The following POLD1 variants were observed in gnomAD, a reference collection of about 807,000 sequenced individuals.
POLD1 encodes the protein DNA polymerase delta catalytic subunit.
A neutral mutation model predicts 129.7 loss-of-function variants in POLD1; 79 were observed. That is an observed-to-expected ratio of 0.61 (90% CI 0.51 to 0.73). The LOEUF (loss-of-function observed/expected upper bound fraction) is 0.73. Among genes scored for constraint, POLD1 ranks in the 30% least tolerant of loss-of-function variants. The probability of loss-of-function intolerance (pLI) is 0.00; values close to 1 mark genes in which losing one functional copy is unlikely to be tolerated. For missense variants in POLD1, 1,338 were observed against 1,595.8 expected, an observed-to-expected ratio of 0.84 and a Z score of 2.75; for synonymous variants, 714 against 683.3, an observed-to-expected ratio of 1.04 and a Z score of -0.70.
chr19:50,417,374 C>A, intron 26 of POLD1, 105 bp downstream of exon 26: 2 of 687,640 alleles, frequency 2.9e-6, no homozygotes, highest in Non-Finnish European at 5.0e-6. Flanking sequence ...TGAGCATCCT[C>A]CCCGCCCATC....
chr19:50,399,786 A>G (rs190400325), intron 3 of POLD1, among the ~76,000 whole-genome samples: 141 of 152,354 alleles, frequency 9.3e-4, no homozygotes, highest in African/African-American at 3.2e-3. Context: ...CTTAAAATTC[A>G]TAACACCAGA....
rs1057524774 is a variant in POLD1 at position 50,401,770 on chromosome 19, C to A, written c.317-8C>A. On this transcript the variant is annotated splice_polypyrimidine_tract_variant and splice_region_variant and intron_variant, in intron 3 of 26. Coordinates refer to ENST00000440232, the MANE Select transcript of POLD1 (RefSeq NM_002691.4). ...GCATGGCCGCTGTCTTACCCTGTGA[C>A]CCCACAGGCCCAGCGCAGCCTGTGC... The A allele has an allele frequency of 6.2e-6, 10 of 1,611,282 alleles. No homozygotes were observed. In the East Asian group the frequency reaches 2.2e-4, roughly 36 times the overall value.
intron 10 of POLD1, among the ~76,000 whole-genome samples, chr19:50,404,864 TA>T (rs199670452): frequency 0.11 from 17,369 of 152,120 alleles, 3,238 homozygotes; most frequent in African/African-American, 0.38. Flanking sequence ...CGCTGGGGTG[TA>T]GAAGTGATTC....
At chr19:50,389,889 T>G (rs911429201) in intron 1 of POLD1, among the ~76,000 whole-genome samples, 133 of 130,496 alleles carry the variant, frequency 1.0e-3, no homozygotes, top group African/African-American at 5.6e-3. Context: ...TCCAGCCTGT[T>G]TTTTTTTTTG....
rs56189407 is a variant in POLD1 at position 50,413,253 on chromosome 19, G to A, written c.2155-173G>A. Among the ~76,000 whole-genome samples the A allele has an allele frequency of 3.1e-4, 47 of 152,280 alleles. 1 individual carries two copies. In the East Asian group the frequency reaches 8.7e-3, roughly 28 times the overall value. On this transcript the variant is annotated intron_variant, in intron 17 of 26. Transcript: ENST00000440232. The stretch of plus-strand genomic sequence containing the variant: ...CTTTCCACCTGACCATTGAGGAGCC[G>A]CCTTATAGTCCCATTTTGCAGATTT...
rs1469439009 is a variant in POLD1 at position 50,416,591 on chromosome 19, C to T, written c.2954-19C>T. 1.3e-6 allele frequency: 2 copies of T among 1,550,586 alleles called. No individual in the cohort carries two copies. The highest frequency in any genetic ancestry group is 2.7e-5 in the African/African-American group (2 of 73,476). ...GGCAGAGGAGATCACCGGCCCACCA[C>T]CTGCCTCCTCTCCTGCAGGGGGGGA... On this transcript the variant is annotated intron_variant, in intron 23 of 26. Coordinates refer to ENST00000440232, the MANE Select transcript of POLD1 (RefSeq NM_002691.4).
At chr19:50,394,522 G>T (rs372985654) in intron 1 of POLD1, among the ~76,000 whole-genome samples, 1 of 152,114 alleles carries the variant, frequency 6.6e-6, no homozygotes, top group Admixed American at 6.6e-5. Context: ...GGGTATGATG[G>T]TGGACGCCTG....
chr19:50,413,941 C>T (rs757991858), intron 19 of POLD1, 62 bp downstream of exon 19: 5 of 1,481,324 alleles, frequency 3.4e-6, no homozygotes, highest in East Asian at 2.3e-5. Flanking sequence ...CAGGGTGTCC[C>T]GTTCTTTGGG....
Position 50,417,218 on chromosome 19 carries a change from C to T in POLD1, c.3167C>T (p.Thr1056Met), listed in dbSNP as rs772397517. 15 of 1,606,258 alleles carry T rather than the reference C, an allele frequency of 9.3e-6. No individual in the cohort carries two copies. Among genetic ancestry groups the T allele is most frequent in the African/African-American group, 5.3e-5 (4 of 74,850 alleles). ...ALEERFSRLW[T>M]QCQRCQGSLH... The stretch of plus-strand genomic sequence containing the variant: ...GAGGAGCGCTTCTCGCGCCTCTGGA[C>T]GCAGTGCCAGCGCTGCCAGGGCAGC... The change falls in exon 26 of 27, where the codon ACG (threonine) becomes ATG (methionine). Residue 1056 changes from threonine (T) to methionine (M), a missense_variant. Thr to Met is a moderately conservative substitution (Grantham distance 81). Around this residue, in one of 3 missense-constraint regions of POLD1, gnomAD observed 286 missense variants for 277.5 expected, o/e 1.03. Coordinates refer to ENST00000440232, the MANE Select transcript of POLD1 (RefSeq NM_002691.4).
chr19:50,388,040 T>C (rs57894481), intron 1 of POLD1, among the ~76,000 whole-genome samples: 1,617 of 152,248 alleles, frequency 0.011, 35 homozygotes, highest in African/African-American at 0.036. Context: ...ACATGAGCGA[T>C]GAACACATTC....
At chr19:50,394,636 C>A (rs187783169) in intron 1 of POLD1, among the ~76,000 whole-genome samples, 139 of 151,860 alleles carry the variant, frequency 9.2e-4, no homozygotes, top group African/African-American at 3.1e-3. Flanking sequence ...CCTGTGTGAC[C>A]GAGTGAGACT....
At chr19:50,396,665 A>G (rs911965275) in intron 1 of POLD1, among the ~76,000 whole-genome samples, 2 of 151,370 alleles carry the variant, frequency 1.3e-5, no homozygotes, top group East Asian at 2.0e-4. Flanking sequence ...TTTTTTTAGT[A>G]GAGACGGGGT....
chr19:50,403,099 G>A lies in POLD1; in HGVS notation c.1017G>A (p.Ser339=), dbSNP rs373404887. 22 of 1,564,844 alleles carry A rather than the reference G, an allele frequency of 1.4e-5. No individual in the cohort carries two copies. Among genetic ancestry groups the A allele is most frequent in the South Asian group, 4.7e-5 (4 of 85,132 alleles). ...PERDPVIQIC[S]LGLRWGEPEP... Reference sequence around the variant, plus strand: ...GGGACCCTGTCATCCAGATCTGCTCGCTGGGCCTGCGCTGGGGGGAGCCGG... The same window carrying A: ...GGGACCCTGTCATCCAGATCTGCTCACTGGGCCTGCGCTGGGGGGAGCCGG... The change falls in exon 9 of 27, where the codon TCG becomes TCA. Residue 339 remains serine (S), a synonymous_variant. Transcript: ENST00000440232.
At chr19:50,386,581 A>G (rs750625450) in intron 1 of POLD1, among the ~76,000 whole-genome samples, 10 of 152,240 alleles carry the variant, frequency 6.6e-5, no homozygotes, top group Non-Finnish European at 1.3e-4. Context: ...AAAGTGGCAC[A>G]AGGCGTTGTG....
chr19:50,403,245 C>T, intron 9 of POLD1, 26 bp downstream of exon 9: 1 of 1,523,038 alleles, frequency 6.6e-7, no homozygotes, highest in Non-Finnish European at 8.8e-7. Flanking sequence ...CGCCCCACAC[C>T]ATTTCCCGGG....
intron 1 of POLD1, among the ~76,000 whole-genome samples, chr19:50,386,463 A>T (rs1230001714): frequency 1.3e-5 from 2 of 152,158 alleles, no homozygotes; most frequent in African/African-American, 4.8e-5. Flanking sequence ...AAGTAACCGG[A>T]CACTGTGCAG....
chr19:50,402,581 G>A (rs1247683290), intron 7 of POLD1, 31 bp from the exon 8 acceptor site: 1 of 1,570,152 alleles, frequency 6.4e-7, no homozygotes, highest in Middle Eastern at 1.9e-4. Flanking sequence ...CTGGTACCCT[G>A]CTGCCACCGC....
Position 50,406,598 on chromosome 19 carries a change from G to A in POLD1, c.1494+81G>A, listed in dbSNP as rs1300933695. 51 of 1,036,892 alleles carry A rather than the reference G, an allele frequency of 4.9e-5. No homozygotes were observed. Among genetic ancestry groups the A allele is most frequent in the Admixed American group, 8.0e-5 (4 of 49,946 alleles). The allele number at this position is 1,036,892 out of a possible 1,614,324, so 64.2% of individuals were successfully genotyped here. A position where few individuals can be genotyped will look rare whatever the true frequency, so the allele number is the denominator to read the frequency against. ...CCCCGGCCTCTGACCTCAACTTCAC[G>A]CCCCCACGTCTGACCTCACTCTTTG... On this transcript the variant is annotated intron_variant, in intron 12 of 26. Coordinates refer to ENST00000440232, the MANE Select transcript of POLD1 (RefSeq NM_002691.4). The surrounding 1 kb of genome is among the most constrained non-coding windows in gnomAD (Gnocchi z 5.5).
intron 14 of POLD1, among the ~76,000 whole-genome samples, chr19:50,408,521 C>G (rs2122361518): frequency 6.6e-6 from 1 of 152,104 alleles, no homozygotes; most frequent in East Asian, 1.9e-4. Flanking sequence ...GCTGGGACCA[C>G]AGGCGTGCAC....
Sources: allele counts gnomAD v4.1 joint callset (sites outside exome capture counted in the v4.1 genomes callset), GRCh38; gene constraint gnomAD v4.1.1; regional missense constraint gnomAD v4.1.1; non-coding constraint Gnocchi (gnomAD v3.1); transcripts MANE v1.5; gene names NCBI Gene and HGNC (gene_info 2026-07-23, HGNC 2026-07-21).